Variants in TMTC4 observed in about 807,000 individuals in gnomAD.
TMTC4 encodes protein O-mannosyl-transferase TMTC4.
TMTC4 carries 65 observed loss-of-function variants against 86.0 expected under a neutral mutation model. The observed-to-expected ratio is 0.76, with a 90% CI of 0.62 to 0.93. TMTC4 has a LOEUF of 0.93. TMTC4 is among the 40% of genes least tolerant of loss of function. TMTC4 has a pLI of 0.00. For synonymous variants in TMTC4, 379 were observed against 382.5 expected (o/e 0.99, Z 0.11); for missense variants, 866 against 948.1 (o/e 0.91, Z 1.14).
At position 100,674,753 on chromosome 13, in the gene TMTC4, G is replaced by C. The variant is rs979658676; in HGVS notation, c.-217C>G. 2.0e-5 allele frequency: 20 copies of C among 983,606 alleles called. No individual in the cohort carries two copies. Among genetic ancestry groups the C allele is most frequent in the Non-Finnish European group, 2.4e-5 (20 of 829,262 alleles). 60.9% of individuals were successfully genotyped at this position (983,606 alleles called of 1,614,324 possible). On this transcript the variant is annotated 5_prime_UTR_variant, in exon 1 of 19. Coordinates refer to ENST00000342624, the MANE Select transcript of TMTC4 (RefSeq NM_032813.5). ...CCGCCCCGCGCGTTACCTGCAAGGA[G>C]CCTGAGCCCCGGCCGCATCTCCCTC... is the stretch of plus-strand genomic sequence containing the variant.
chr13:100,639,006 T>C (rs1566604783), intron 7 of TMTC4, among the ~76,000 whole-genome samples: 1 of 152,230 alleles, frequency 6.6e-6, no homozygotes, highest in Admixed American at 6.5e-5. Context: ...CTGGATTCTA[T>C]TCTCTCTCCT....
chr13:100,671,672 C>A (rs917498395), intron 1 of TMTC4, among the ~76,000 whole-genome samples: 1 of 152,160 alleles, frequency 6.6e-6, no homozygotes. Context: ...CCTGCCCCTA[C>A]ATCATTTCCC....
At chr13:100,637,460 A>T in intron 9 of TMTC4, 78 bp downstream of exon 9, 3 of 1,526,022 alleles carry the variant, frequency 2.0e-6, no homozygotes, top group Admixed American at 2.0e-5. Flanking sequence ...GAGGAGTGAG[A>T]CGAGGAGGAG....
At chr13:100,650,986 T>C (rs985232368) in intron 6 of TMTC4, among the ~76,000 whole-genome samples, 2 of 152,356 alleles carry the variant, frequency 1.3e-5, no homozygotes, top group East Asian at 3.9e-4. Context: ...GCTATAGAAC[T>C]ACACAGCTTA....
At chr13:100,635,916 G>C (rs561366679) in intron 10 of TMTC4, 14 of 152,802 alleles carry the variant, frequency 9.2e-5, no homozygotes, top group African/African-American at 3.1e-4. Flanking sequence ...TGGCTCCTTA[G>C]AATTACTAAC....
In TMTC4 at chr13:100,636,884, T is replaced by C. The variant is rs1882298619; in HGVS notation, c.1000-150A>G. 9 of 765,898 alleles carry C rather than the reference T, an allele frequency of 1.2e-5. No individual in the cohort carries two copies. In the South Asian group the frequency reaches 1.6e-4, roughly 14 times the overall value. The allele number at this position is 765,898 out of a possible 1,614,324, so 47.4% of individuals were successfully genotyped here. The stretch of plus-strand genomic sequence containing the variant: ...AAATGTTGCCAACGTGTATTGGGTA[T>C]GTGACTATAGTCTGTAAAAATGTAT... On this transcript the variant is annotated intron_variant, in intron 9 of 18. Coordinates refer to ENST00000342624, the MANE Select transcript of TMTC4 (RefSeq NM_032813.5).
chr13:100,673,323 C>T, intron 1 of TMTC4: 1 of 985,400 alleles, frequency 1.0e-6, no homozygotes, highest in South Asian at 4.7e-5. Flanking sequence ...CTAAATGTTT[C>T]CCCTTGGAAA....
intron 18 of TMTC4, among the ~76,000 whole-genome samples, chr13:100,606,081 A>G (rs911612685): frequency 6.6e-6 from 1 of 152,200 alleles, no homozygotes; most frequent in Non-Finnish European, 1.5e-5. Flanking sequence ...TCTTGATCCA[A>G]TCTCACCCTT....
chr13:100,627,806 C>G (rs1311900556), intron 12 of TMTC4, among the ~76,000 whole-genome samples: 1 of 152,156 alleles, frequency 6.6e-6, no homozygotes, highest in African/African-American at 2.4e-5. Flanking sequence ...AGGTCACCAC[C>G]ATGTTTATGT....
intron 15 of TMTC4, among the ~76,000 whole-genome samples, chr13:100,618,341 C>T (rs904682453): frequency 6.6e-6 from 1 of 151,830 alleles, no homozygotes; most frequent in Non-Finnish European, 1.5e-5. Context: ...TTTTCTTGCC[C>T]GACTGCTCTG....
intron 5 of TMTC4, among the ~76,000 whole-genome samples, chr13:100,659,224 C>G (rs745737877): frequency 2.6e-5 from 4 of 152,174 alleles, no homozygotes; most frequent in Non-Finnish European, 4.4e-5. Flanking sequence ...TCTGGGTTAA[C>G]GTCTGGGTTC....
chr13:100,607,638 T>C (rs1876867429), intron 17 of TMTC4, among the ~76,000 whole-genome samples: 1 of 149,914 alleles, frequency 6.7e-6, no homozygotes, highest in Non-Finnish European at 1.5e-5. Context: ...GGGCTTCCCA[T>C]ATCTGTGACT....
intron 12 of TMTC4, among the ~76,000 whole-genome samples, chr13:100,629,276 A>C (rs1258509689): frequency 6.6e-6 from 1 of 152,248 alleles, no homozygotes; most frequent in Non-Finnish European, 1.5e-5. Flanking sequence ...AAACTCACTC[A>C]ATCAGAAGCA....
chr13:100,621,142 T>C (rs780100550), intron 15 of TMTC4, among the ~76,000 whole-genome samples: 4 of 152,210 alleles, frequency 2.6e-5, no homozygotes, highest in Non-Finnish European at 4.4e-5. Context: ...GTGTAATGAA[T>C]CCCAAGGACT....
At chr13:100,665,997 G>A (rs777651461) in intron 3 of TMTC4, 8 of 456,358 alleles carry the variant, frequency 1.8e-5, no homozygotes, top group South Asian at 3.1e-5. Context: ...AGAAGTACCC[G>A]GTCAGCTGTG....
intron 12 of TMTC4, among the ~76,000 whole-genome samples, chr13:100,634,424 A>T (rs1012325253): frequency 1.2e-4 from 18 of 152,176 alleles, no homozygotes; most frequent in African/African-American, 2.9e-4. Context: ...CTATCACTAG[A>T]GAGTGGGTTT....
intron 15 of TMTC4, among the ~76,000 whole-genome samples, chr13:100,615,538 T>C (rs1284852494): frequency 1.3e-5 from 2 of 152,174 alleles, no homozygotes; most frequent in Non-Finnish European, 2.9e-5. Flanking sequence ...CTGCAACGTC[T>C]GCCTCCCAAG....
chr13:100,625,632 T>G lies in TMTC4; in HGVS notation c.1739A>C (p.Asn580Thr), dbSNP rs1320616196. Reference protein sequence around the residue: ...AAWMNLGIVQNSLKRFEAAEQ... With the variant: ...AAWMNLGIVQTSLKRFEAAEQ... ...TGCTGCTTCAAACCGTTTCAGGCTA[T>G]TCTGCACTATGCCTAGATTCATCCA... The change falls in exon 15 of 19, where the codon AAT becomes ACT. Residue 580 changes from asparagine to threonine, a missense_variant. By Grantham distance (65) the Asn-to-Thr change is moderately conservative. Coordinates refer to ENST00000342624, the MANE Select transcript of TMTC4 (RefSeq NM_032813.5). The G allele has an allele frequency of 6.2e-7, 1 of 1,614,240 alleles. No homozygotes were observed. The highest frequency in any genetic ancestry group is 8.5e-7 in the Non-Finnish European group (1 of 1,180,044).
At chr13:100,607,323 C>CCTGG (rs1876792245) in intron 17 of TMTC4, among the ~76,000 whole-genome samples, 1 of 152,114 alleles carries the variant, frequency 6.6e-6, no homozygotes, top group South Asian at 2.1e-4. Context: ...TCGAGACCAG[C>CCTGG]CTGGCCAACA....
Sources: allele counts gnomAD v4.1 joint callset (sites outside exome capture counted in the v4.1 genomes callset), GRCh38; gene constraint gnomAD v4.1.1; transcripts MANE v1.5; gene names NCBI Gene and HGNC (gene_info 2026-07-23, HGNC 2026-07-21).